Variants in ST3GAL2 observed in about 807,000 individuals in gnomAD.
The protein encoded by ST3GAL2 is ST3 beta-galactoside alpha-2,3-sialyltransferase 2.
Under a neutral mutation model 37.5 loss-of-function variants are expected in ST3GAL2, and 16 were observed. That is an observed-to-expected ratio of 0.43 (90% CI 0.29 to 0.65). The LOEUF is 0.65. ST3GAL2 is among the 30% of genes least tolerant of loss of function. ST3GAL2 has a pLI of 0.17. For synonymous variants in ST3GAL2, 238 were observed against 202.9 expected (o/e 1.17, Z -1.47); for missense variants, 383 against 487.8 (o/e 0.79, Z 2.02).
At chr16:70,428,984 G>A (rs1258636936) in intron 1 of ST3GAL2, among the ~76,000 whole-genome samples, 1 of 152,232 alleles carries the variant, frequency 6.6e-6, no homozygotes, top group African/African-American at 2.4e-5. Flanking sequence ...GGTGGCCAGA[G>A]TAAGAAGGGA....
At position 70,379,613 on chromosome 16, in the gene ST3GAL2, G is replaced by A. The variant is rs1453569758; in HGVS notation, c.*2076C>T. ...GGATGCTGGGACCTACCTCTTCCAG[G>A]ATGGGGATTCATGATTTAATTTTTT... On this transcript the variant is annotated 3_prime_UTR_variant, in exon 7 of 7. Coordinates refer to ENST00000342907, the MANE Select transcript of ST3GAL2 (RefSeq NM_006927.4). The A allele has an allele frequency of 6.6e-6, 1 of 152,120 alleles. No individual in the cohort carries two copies. The highest frequency in any genetic ancestry group is 2.4e-5 in the African/African-American group (1 of 41,424). The allele number at this position is 152,120 out of a possible 1,614,324, so 9.4% of individuals were successfully genotyped here. A position where few individuals can be genotyped will look rare whatever the true frequency, so the allele number is the denominator to read the frequency against.
At chr16:70,408,408 G>A (rs2047608595) in intron 1 of ST3GAL2, among the ~76,000 whole-genome samples, 1 of 152,176 alleles carries the variant, frequency 6.6e-6, no homozygotes, top group African/African-American at 2.4e-5. Flanking sequence ...GGGGCGGAGG[G>A]GTGGGGGTGG....
chr16:70,417,696 G>C (rs1488613395), intron 1 of ST3GAL2, among the ~76,000 whole-genome samples: 1 of 152,202 alleles, frequency 6.6e-6, no homozygotes, highest in African/African-American at 2.4e-5. Flanking sequence ...AGGAGAGAGG[G>C]GGATGAACCC....
intron 1 of ST3GAL2, among the ~76,000 whole-genome samples, chr16:70,436,534 T>G (rs567618571): frequency 6.6e-6 from 1 of 151,068 alleles, no homozygotes; most frequent in Admixed American, 6.6e-5. Flanking sequence ...AAACCAGTGG[T>G]TCTCAAAGTG....
chr16:70,393,722 G>T (rs55936521), intron 3 of ST3GAL2: 44,433 of 151,978 alleles, frequency 0.29, 8,026 homozygotes, highest in Non-Finnish European at 0.39. Context: ...GTGGCTCCGG[G>T]GTCCTGGACA....
At chr16:70,438,301 TC>T (rs2047840485) in intron 1 of ST3GAL2, among the ~76,000 whole-genome samples, 1 of 151,928 alleles carries the variant, frequency 6.6e-6, no homozygotes, top group African/African-American at 2.4e-5. Flanking sequence ...AGAAATGACT[TC>T]CATTCCAAGG....
intron 1 of ST3GAL2, among the ~76,000 whole-genome samples, chr16:70,417,753 A>T (rs908154974): frequency 6.6e-6 from 1 of 152,088 alleles, no homozygotes; most frequent in Admixed American, 6.6e-5. Flanking sequence ...TGGGATGAAT[A>T]AACGGTGGAC....
intron 1 of ST3GAL2, among the ~76,000 whole-genome samples, chr16:70,417,524 C>A (rs1024800800): frequency 6.6e-6 from 1 of 152,262 alleles, no homozygotes; most frequent in African/African-American, 2.4e-5. Flanking sequence ...AGAGGCCTGA[C>A]CTGAGCTGGC....
intron 3 of ST3GAL2, among the ~76,000 whole-genome samples, chr16:70,391,366 G>C (rs1418007166): frequency 6.6e-6 from 1 of 152,160 alleles, no homozygotes; most frequent in African/African-American, 2.4e-5. Flanking sequence ...TCCAGAACAG[G>C]GATCTACTTC....
chr16:70,381,663 C>A lies in ST3GAL2; in HGVS notation c.*26G>T. The A allele has an allele frequency of 6.2e-7, 1 of 1,609,112 alleles. No homozygotes were observed. The highest frequency in any genetic ancestry group is 8.5e-7 in the Non-Finnish European group (1 of 1,177,930). On this transcript the variant is annotated 3_prime_UTR_variant, in exon 7 of 7. Coordinates refer to ENST00000342907, the MANE Select transcript of ST3GAL2 (RefSeq NM_006927.4). Reference sequence around the variant, plus strand: ...GGAGCCCCGGTGCCCGATAGATGGGCCGGAAGGGTCGCGGCGAGGCCCGGC... The same window carrying A: ...GGAGCCCCGGTGCCCGATAGATGGGACGGAAGGGTCGCGGCGAGGCCCGGC...
intron 1 of ST3GAL2, among the ~76,000 whole-genome samples, chr16:70,414,818 G>C (rs60045805): frequency 0.029 from 4,360 of 151,872 alleles, 89 homozygotes; most frequent in Middle Eastern, 0.075. Flanking sequence ...GACTACAGGC[G>C]CCTGCCACCA....
chr16:70,430,596 G>C (rs1264239379), intron 1 of ST3GAL2, among the ~76,000 whole-genome samples: 1 of 152,074 alleles, frequency 6.6e-6, no homozygotes, highest in Non-Finnish European at 1.5e-5. Flanking sequence ...ATGGACCTGG[G>C]GTCTCCCCTG....
At chr16:70,382,688 A>C in intron 6 of ST3GAL2, 117 bp downstream of exon 6, 1 of 1,496,426 alleles carries the variant, frequency 6.7e-7, no homozygotes, top group Admixed American at 1.9e-5. Context: ...GGGGAAACCA[A>C]GGCCACATGG....
rs946188376 is a variant in ST3GAL2 at position 70,398,638 on chromosome 16, G to A, written c.-108C>T. 4.6e-6 allele frequency: 5 copies of A among 1,081,246 alleles called. No individual in the cohort carries two copies. The Admixed American group carries it at 7.0e-5, about 15-fold the overall frequency. The allele number at this position is 1,081,246 out of a possible 1,614,324, so 67.0% of individuals were successfully genotyped here. On this transcript the variant is annotated 5_prime_UTR_variant, in exon 2 of 7. Transcript: ENST00000342907. The stretch of plus-strand genomic sequence containing the variant: ...TCTGGCACCACATGCAAAGGGCATA[G>A]GGGCACGTGCTGCAGCAGGGGACAG...
At chr16:70,419,243 A>G (rs2047697235) in intron 1 of ST3GAL2, among the ~76,000 whole-genome samples, 1 of 152,236 alleles carries the variant, frequency 6.6e-6, no homozygotes. Context: ...ACCAAAGGAA[A>G]GAGGAGATAT....
intron 1 of ST3GAL2, among the ~76,000 whole-genome samples, chr16:70,427,257 CA>C (rs2047757804): frequency 6.6e-6 from 1 of 151,778 alleles, no homozygotes; most frequent in Admixed American, 6.6e-5. Context: ...TAGAGGTATC[CA>C]AAAAGTATCT....
intron 1 of ST3GAL2, among the ~76,000 whole-genome samples, chr16:70,407,362 A>G (rs1271542679): frequency 6.6e-6 from 1 of 152,168 alleles, no homozygotes; most frequent in Non-Finnish European, 1.5e-5. Flanking sequence ...GCTGGTCTCA[A>G]ACTCCTGACC....
intron 1 of ST3GAL2, among the ~76,000 whole-genome samples, chr16:70,435,903 A>T (rs998306609): frequency 6.6e-6 from 1 of 151,526 alleles, no homozygotes; most frequent in South Asian, 2.1e-4. Flanking sequence ...AGGCGGGCGG[A>T]GCACCTGAGG....
intron 1 of ST3GAL2, among the ~76,000 whole-genome samples, chr16:70,424,400 G>C (rs906601076): frequency 1.3e-5 from 2 of 148,478 alleles, no homozygotes; most frequent in African/African-American, 2.5e-5. Context: ...TTGGGAGTTC[G>C]AGACCAGCCT....
Sources: allele counts gnomAD v4.1 joint callset (sites outside exome capture counted in the v4.1 genomes callset), GRCh38; gene constraint gnomAD v4.1.1; transcripts MANE v1.5; gene names NCBI Gene and HGNC (gene_info 2026-07-23, HGNC 2026-07-21).